SPTBN5: variants seen among roughly 807,000 people sequenced by gnomAD.
SPTBN5 encodes spectrin beta, non-erythrocytic 5.
A neutral mutation model predicts 477.6 loss-of-function variants in SPTBN5; 513 were observed. The observed-to-expected ratio is 1.07, with a 90% confidence interval of 1.00 to 1.16. The LOEUF is 1.16. Ranked by LOEUF, SPTBN5 falls within the 50% of genes most tolerant of loss-of-function variation. SPTBN5 has a pLI of 0.00. For missense variants in SPTBN5, 5,062 were observed against 4,731.8 expected (o/e 1.07, Z -2.05); for synonymous variants, 2,169 against 2,011.7 (o/e 1.08, Z -2.09).
chr15:41,855,468 T>C, intron 54 of SPTBN5, 40 bp from the exon 55 acceptor site: 1 of 1,591,394 alleles, frequency 6.3e-7, no homozygotes, highest in East Asian at 2.3e-5. Flanking sequence ...CAGCCCTGCC[T>C]TTCCAGGCTG....
At position 41,866,058 on chromosome 15, in the gene SPTBN5, C is replaced by T; in HGVS notation, c.6802G>A (p.Glu2268Lys). 6.4e-7 allele frequency: 1 copy of T among 1,555,400 alleles called. No homozygotes were observed. The change falls in exon 38 of 68, where the codon GAG (glutamate) becomes AAG (lysine). Residue 2268 changes from glutamate (E) to lysine (K), a missense_variant. Physicochemically the swap from Glu to Lys is moderately conservative, Grantham distance 56. Coordinates refer to ENST00000320955, the MANE Select transcript of SPTBN5 (RefSeq NM_016642.4). ...LEFLQRVDLA[E>K]AWIQEKEVKM... Reference sequence around the variant, plus strand: ...TACACCTTCTCCTGGATCCAGGCCTCTGCAAGGTCCACTCTCTGCAGGAAC... The same window carrying T: ...TACACCTTCTCCTGGATCCAGGCCTTTGCAAGGTCCACTCTCTGCAGGAAC...
At chr15:41,883,644 G>GT (rs2067053668) in intron 7 of SPTBN5, among the ~76,000 whole-genome samples, 158 bp from the exon 8 acceptor site, 1 of 152,224 alleles carries the variant, frequency 6.6e-6, no homozygotes, top group Non-Finnish European at 1.5e-5. Context: ...GGCAGGCGGT[G>GT]GTAGAGGCAG....
rs1472968607 is a variant in SPTBN5 at position 41,868,403 on chromosome 15, T to G, written c.6052A>C (p.Lys2018Gln). Residue 2018 changes from lysine (K) to glutamine (Q), a missense_variant, in exon 33 of 68, where the codon AAG becomes CAG. Physicochemically the swap from Lys to Gln is moderately conservative, Grantham distance 53 (BLOSUM62 1). Coordinates refer to ENST00000320955, the MANE Select transcript of SPTBN5 (RefSeq NM_016642.4). ...QALLAAGTPT[K>Q]EVQEELRALQ... ...CACCAGGGGAGGGGGCCCACCTCCT[T>G]GGTGGGTGTCCCTGCAGCAAGAAGT... 6.2e-7 allele frequency: 1 copy of G among 1,601,276 alleles called. No homozygotes were observed.
rs1159931663 is a variant in SPTBN5 at position 41,866,037 on chromosome 15, CCTT to C, written c.6820_6822del (p.Lys2274del). 5.8e-6 allele frequency: 9 copies of C among 1,552,992 alleles called. No individual in the cohort carries two copies. The East Asian group carries it at 1.7e-4, about 29-fold the overall frequency. Reference sequence around the variant, plus strand: ...CAGCCCCCACCCAGCTGGGGCTACACCTTCTCCTGGATCCAGGCCTCTGCAAGG... The same window carrying C: ...CAGCCCCCACCCAGCTGGGGCTACACCTCCTGGATCCAGGCCTCTGCAAGG... On this transcript the variant is annotated inframe_deletion and splice_region_variant, in exon 38 of 68. Transcript: ENST00000320955.
At position 41,876,145 on chromosome 15, in the gene SPTBN5, G is replaced by C. The variant is rs1468868826; in HGVS notation, c.4091C>G (p.Ala1364Gly). 1 of 1,603,502 alleles carries C rather than the reference G, an allele frequency of 6.2e-7. No homozygotes were observed. Among genetic ancestry groups the C allele is most frequent in the Non-Finnish European group, 8.5e-7 (1 of 1,179,318 alleles). Residue 1364 changes from alanine to glycine, a missense_variant, in exon 21 of 68, where the codon GCC becomes GGC. By Grantham distance (60) the Ala-to-Gly change is moderately conservative (BLOSUM62 0). Coordinates refer to ENST00000320955, the MANE Select transcript of SPTBN5 (RefSeq NM_016642.4). ...RHEAAESELL[A>G]TRRHVEALQQ... ...CAGGGCCTCCACGTGTCTGCGGGTG[G>C]CGAGTAGCTCGCTCTCAGCTGCTTC... is the stretch of plus-strand genomic sequence containing the variant.
rs1219692745 is a variant in SPTBN5 at position 41,882,981 on chromosome 15, G to A, written c.1892+15C>T. On this transcript the variant is annotated intron_variant, in intron 9 of 67. Transcript: ENST00000320955. ...AAGTTCTGGGAAAGGTGGAAGAGTTGGGGCAGGCTCTTACCGGGCCCTGAC... is the reference window on the plus strand; with the variant it reads ...AAGTTCTGGGAAAGGTGGAAGAGTTAGGGCAGGCTCTTACCGGGCCCTGAC... 11 of 1,528,356 alleles carry A rather than the reference G, an allele frequency of 7.2e-6. No homozygotes were observed. The highest frequency in any genetic ancestry group is 9.7e-6 in the Non-Finnish European group (11 of 1,139,134). The allele number at this position is 1,528,356 out of a possible 1,614,324, so 94.7% of individuals were successfully genotyped here. A position where few individuals can be genotyped will look rare whatever the true frequency, so the allele number is the denominator to read the frequency against.
In SPTBN5 at chr15:41,881,173, G is replaced by A. The variant is rs747634234; in HGVS notation, c.2519C>T (p.Ala840Val). 1.2e-5 allele frequency: 20 copies of A among 1,613,380 alleles called. No individual in the cohort carries two copies. Among genetic ancestry groups the A allele is most frequent in the Non-Finnish European group, 1.7e-5 (20 of 1,179,834 alleles). The change falls in exon 13 of 68, where the codon GCT becomes GTT. Residue 840 changes from alanine to valine, a missense_variant. Physicochemically the swap from Ala to Val is moderately conservative, Grantham distance 64. Transcript: ENST00000320955. ...SLRNPGPWSE[A>V]SCHPGPGDAW... The stretch of plus-strand genomic sequence containing the variant: ...ATCCCCAGGGCCAGGGTGGCAGGAA[G>A]CCTCACTCCAGGGCCCTGGGTTCCT...
intron 43 of SPTBN5, 96 bp downstream of exon 43, chr15:41,862,433 TGAAGGGTGGA>T (rs1595459941): frequency 2.0e-5 from 30 of 1,520,326 alleles, no homozygotes; most frequent in Non-Finnish European, 2.7e-5. Flanking sequence ...TACAGTTATT[TGAAGGGTGGA>T]GAAGGAATCC....
chr15:41,879,977 C>G, intron 14 of SPTBN5, 113 bp from the exon 15 acceptor site: 1 of 1,475,830 alleles, frequency 6.8e-7, no homozygotes, highest in African/African-American at 1.4e-5. Flanking sequence ...CTCATGCTGC[C>G]TGCCCCTGGA....
At position 41,876,282 on chromosome 15, in the gene SPTBN5, C is replaced by T. The variant is rs1463015046; in HGVS notation, c.3954G>A (p.Glu1318=). 2 of 1,561,248 alleles carry T rather than the reference C, an allele frequency of 1.3e-6. No individual in the cohort carries two copies. Among genetic ancestry groups the T allele is most frequent in the African/African-American group, 1.3e-5 (1 of 74,314 alleles). The part of the protein sequence containing the change: ...RQLLASLQLQ[E]WKQDVAELMQ... ...TCAGCTCTGCCACATCCTGCTTCCA[C>T]TCCTGCCAAGAACCAGGCGAGAGTG... Residue 1318 remains glutamate, a splice_region_variant and synonymous_variant, in exon 21 of 68, where the codon GAG becomes GAA. Transcript: ENST00000320955.
intron 62 of SPTBN5, 61 bp from the exon 63 acceptor site, chr15:41,851,911 G>C: frequency 7.5e-7 from 1 of 1,330,120 alleles, no homozygotes; most frequent in Admixed American, 1.8e-5. Flanking sequence ...AGGTGGGCAA[G>C]GCACCCACTG....
chr15:41,892,914 G>A lies in SPTBN5; in HGVS notation c.364C>T (p.Leu122=), dbSNP rs745390588. The A allele has an allele frequency of 6.2e-7, 1 of 1,604,540 alleles. No homozygotes were observed. Residue 122 remains leucine (L), a synonymous_variant, in exon 3 of 68, where the codon CTG becomes TTG. Transcript: ENST00000320955. ...VHFLENSSRA[L]AFLRAKVPVP... is the part of the protein sequence containing the mutation. ...CCCACCTTGGCCCTGAGGAAGGCCA[G>A]AGCTCGGCTGCTGTTCTCCAGGAAG...
chr15:41,870,354 C>T lies in SPTBN5; in HGVS notation c.5563-1G>A. 6.3e-7 allele frequency: 1 copy of T among 1,580,446 alleles called. No individual in the cohort carries two copies. Among genetic ancestry groups the T allele is most frequent in the Non-Finnish European group, 8.6e-7 (1 of 1,163,500 alleles). Reference sequence around the variant, plus strand: ...TGTTGGGGAGGCTCGTGGCTTTCTCCTGAGGAAGGGAGAATGCCGAGGAGA... The same window carrying T: ...TGTTGGGGAGGCTCGTGGCTTTCTCTTGAGGAAGGGAGAATGCCGAGGAGA... On this transcript the variant is annotated splice_acceptor_variant, in intron 30 of 67. Coordinates refer to ENST00000320955, the MANE Select transcript of SPTBN5 (RefSeq NM_016642.4). LOFTEE classifies it high-confidence loss of function.
Position 41,850,918 on chromosome 15 carries a change from G to A in SPTBN5, c.10857C>T (p.Ile3619=). The A allele has an allele frequency of 6.2e-7, 1 of 1,600,928 alleles. No homozygotes were observed. Among genetic ancestry groups the A allele is most frequent in the Non-Finnish European group, 8.5e-7 (1 of 1,175,656 alleles). ...GCTCTTCGGACGGTGCTGCAAACAG[G>A]ATCTCTGCCCCACTGGTCAGCCTGG... The part of the protein sequence containing the change: ...FSLRLTSGAE[I]LFAAPSEEQA... The change falls in exon 66 of 68, where the codon ATC becomes ATT. Residue 3619 remains isoleucine (I), a synonymous_variant. Coordinates refer to ENST00000320955, the MANE Select transcript of SPTBN5 (RefSeq NM_016642.4).
chr15:41,866,375 G>A lies in SPTBN5; in HGVS notation c.6599C>T (p.Ala2200Val), dbSNP rs1199641345. The change falls in exon 37 of 68, where the codon GCC becomes GTC. Residue 2200 changes from alanine to valine, a missense_variant. Ala to Val is a moderately conservative substitution (Grantham distance 64). Coordinates refer to ENST00000320955, the MANE Select transcript of SPTBN5 (RefSeq NM_016642.4). ...AACAGAGGTCATGACCTCCTCATGG[G>A]CCTGGACTTCAGCCTCAAAGGCCTG... ...KHQAFEAEVQ[A>V]HEEVMTSVAK... 1 of 1,610,704 alleles carries A rather than the reference G, an allele frequency of 6.2e-7. No individual in the cohort carries two copies. Among genetic ancestry groups the A allele is most frequent in the African/African-American group, 1.3e-5 (1 of 74,816 alleles).
chr15:41,878,744 C>T, intron 16 of SPTBN5, 115 bp from the exon 17 acceptor site: 1 of 1,168,634 alleles, frequency 8.6e-7, no homozygotes, highest in South Asian at 1.6e-5. Context: ...ACTCTCAATG[C>T]CCACCCCACC....
chr15:41,881,074 T>C lies in SPTBN5; in HGVS notation c.2618A>G (p.His873Arg). ...CAGACTCTCATAGTCCTGACTCAAGTGGTCCTGTGTCTGGAGTATAGTGTT... is the reference window on the plus strand; with the variant it reads ...CAGACTCTCATAGTCCTGACTCAAGCGGTCCTGTGTCTGGAGTATAGTGTT... ...DPNTILQTQDHLSQDYESLRA... is the reference protein window; with the variant it reads ...DPNTILQTQDRLSQDYESLRA... Residue 873 changes from histidine (H) to arginine (R), a missense_variant, in exon 13 of 68, where the codon CAC becomes CGC. Transcript: ENST00000320955. 6.2e-7 allele frequency: 1 copy of C among 1,607,424 alleles called. No homozygotes were observed. The highest frequency in any genetic ancestry group is 8.5e-7 in the Non-Finnish European group (1 of 1,176,814).
chr15:41,870,877 G>T (rs2066512078), intron 29 of SPTBN5, among the ~76,000 whole-genome samples: 1 of 152,236 alleles, frequency 6.6e-6, no homozygotes, highest in African/African-American at 2.4e-5. Flanking sequence ...CAGACGCTTT[G>T]TGGGCAGAGG....
At chr15:41,850,248 G>T in intron 66 of SPTBN5, 1 of 420,984 alleles carries the variant, frequency 2.4e-6, no homozygotes, top group South Asian at 2.6e-5. Flanking sequence ...ATCCCTTTGG[G>T]CTCCTGGGAA....
Sources: allele counts gnomAD v4.1 joint callset (sites outside exome capture counted in the v4.1 genomes callset), GRCh38; gene constraint gnomAD v4.1.1; transcripts MANE v1.5; gene names NCBI Gene and HGNC (gene_info 2026-07-23, HGNC 2026-07-21).